RGL3: variants seen among roughly 807,000 people sequenced by gnomAD.
The protein encoded by RGL3 is ral guanine nucleotide dissociation stimulator-like 3.
A neutral mutation model predicts 90.6 loss-of-function variants in RGL3; 85 were observed. The observed-to-expected ratio is 0.94, with a 90% confidence interval of 0.79 to 1.12. RGL3 has a LOEUF of 1.12. RGL3 is among the 50% of genes most tolerant of loss of function. The pLI, the probability that RGL3 is intolerant of heterozygous loss-of-function variation, is 0.00. For synonymous variants in RGL3, 408 were observed against 385.5 expected, an observed-to-expected ratio of 1.06 and a Z score of -0.68; for missense variants, 1,034 against 939.2, an observed-to-expected ratio of 1.10 and a Z score of -1.32.
intron 9 of RGL3, among the ~76,000 whole-genome samples, chr19:11,403,120 C>G (rs1477785881): frequency 6.6e-6 from 1 of 151,658 alleles, no homozygotes; most frequent in African/African-American, 2.4e-5. Flanking sequence ...CTGCAGGCTC[C>G]GCCCCCCGGG....
At chr19:11,408,192 C>G (rs1353965973) in intron 5 of RGL3, among the ~76,000 whole-genome samples, 1 of 152,232 alleles carries the variant, frequency 6.6e-6, no homozygotes, top group Non-Finnish European at 1.5e-5. Flanking sequence ...TCTCAAACAC[C>G]TGGGCTCAAG....
chr19:11,416,350 C>CT (rs1568342996), intron 4 of RGL3: 7 of 618,744 alleles, frequency 1.1e-5, no homozygotes, highest in Non-Finnish European at 2.0e-5. Context: ...CCACACCCAG[C>CT]TACCTTTTTT....
intron 13 of RGL3, among the ~76,000 whole-genome samples, chr19:11,401,043 G>A (rs1197414788): frequency 2.0e-5 from 3 of 151,930 alleles, no homozygotes; most frequent in Non-Finnish European, 4.4e-5. Context: ...ACTCAGAACT[G>A]AGGGTCAAGG....
At chr19:11,396,146 ATATATATATATATT>A in intron 18 of RGL3, among the ~76,000 whole-genome samples, 2 of 62,476 alleles carry the variant, frequency 3.2e-5, no homozygotes, top group Non-Finnish European at 5.9e-5. Flanking sequence ...CTATATATAT[ATATATATATATATT>A]TTTTTTTTTT....
chr19:11,406,403 C>G lies in RGL3; in HGVS notation c.996+16G>C. On this transcript the variant is annotated intron_variant, in intron 7 of 18. Coordinates refer to ENST00000380456, the MANE Select transcript of RGL3 (RefSeq NM_001035223.4). ...AGGGCCCGCCCCCGCATCCCCTCTC[C>G]GCGCCCGCAACACACCTGGGCGATG... 1 of 1,525,140 alleles carries G rather than the reference C, an allele frequency of 6.6e-7. No individual in the cohort carries two copies. The highest frequency in any genetic ancestry group is 2.5e-5 in the East Asian group (1 of 40,646). 94.5% of individuals were successfully genotyped at this position (1,525,140 alleles called of 1,614,324 possible).
At chr19:11,416,512 C>A in intron 4 of RGL3, 102 bp downstream of exon 4, 1 of 1,185,020 alleles carries the variant, frequency 8.4e-7, no homozygotes, top group South Asian at 1.2e-5. Context: ...CTCCCAGTCT[C>A]TTATTACCCA....
chr19:11,402,472 G>A lies in RGL3; in HGVS notation c.1312C>T (p.Leu438=), dbSNP rs540807483. The A allele has an allele frequency of 1.5e-4, 247 of 1,603,676 alleles. 5 individuals carry two copies. The highest frequency in any genetic ancestry group is 1.1e-3 in the South Asian group (103 of 90,236). ...LTDLVMLDTA[L]PDMLEGDLIN... is the part of the protein sequence containing the mutation. The stretch of plus-strand genomic sequence containing the variant: ...GGTCAGACCTCCAACATATCCGGCA[G>A]GGCTGTGTCCAGCATAACCAGGTCC... The change falls in exon 11 of 19, where the codon CTG becomes TTG. Residue 438 remains leucine (L), a synonymous_variant. Transcript: ENST00000380456.
intron 18 of RGL3, 46 bp downstream of exon 18, chr19:11,397,198 C>A: frequency 6.5e-7 from 1 of 1,545,600 alleles, no homozygotes; most frequent in Non-Finnish European, 8.9e-7. Flanking sequence ...AGTCTGCTCG[C>A]CTCCCCGCTG....
intron 3 of RGL3, 30 bp downstream of exon 3, chr19:11,416,806 A>G (rs2144743678): frequency 6.2e-7 from 1 of 1,610,988 alleles, no homozygotes; most frequent in Non-Finnish European, 8.5e-7. Context: ...TCTAGGGTGG[A>G]GAATACGGAG....
rs200398815 is a variant in RGL3 at position 11,397,303 on chromosome 19, T to C, written c.1955A>G (p.Asn652Ser). 9 of 1,612,742 alleles carry C rather than the reference T, an allele frequency of 5.6e-6. No homozygotes were observed. Among genetic ancestry groups the C allele is most frequent in the South Asian group, 2.2e-5 (2 of 90,912 alleles). The change falls in exon 18 of 19, where the codon AAT (asparagine) becomes AGT (serine). Residue 652 changes from asparagine (N) to serine (S), a missense_variant. Asn to Ser is a conservative substitution (Grantham distance 46). Transcript: ENST00000380456. ...GTCACAGGCCCAGGGCTGGGGCACATTGTGCTTCTGCAAGGCTCGCCGGAC... is the reference window on the plus strand; with the variant it reads ...GTCACAGGCCCAGGGCTGGGGCACACTGTGCTTCTGCAAGGCTCGCCGGAC... Reference protein sequence around the residue: ...SVVRRALQKHNVPQPWACDYQ... With the variant: ...SVVRRALQKHSVPQPWACDYQ...
At chr19:11,404,776 C>T (rs1428819514) in intron 9 of RGL3, among the ~76,000 whole-genome samples, 5 of 152,166 alleles carry the variant, frequency 3.3e-5, no homozygotes, top group Admixed American at 6.6e-5. Flanking sequence ...CAATGAGAAT[C>T]TAAATCTTGC....
intron 5 of RGL3, among the ~76,000 whole-genome samples, chr19:11,412,268 G>A (rs1446775208): frequency 8.3e-5 from 10 of 120,360 alleles, no homozygotes; most frequent in South Asian, 5.4e-4. Flanking sequence ...CAACAAGAGC[G>A]AAACTCCGTC....
chr19:11,416,967 C>G lies in RGL3; in HGVS notation c.240G>C (p.Glu80Asp). ...RAARLERLVGELVFGDREQDP... is the reference protein window; with the variant it reads ...RAARLERLVGDLVFGDREQDP... ...CCTGCTCACGGTCTCCAAACACCAA[C>G]TCTCCCACCAGCCGCTCCAGGCGCG... The change falls in exon 3 of 19, where the codon GAG (glutamate) becomes GAC (aspartate). Residue 80 changes from glutamate to aspartate, a missense_variant. Physicochemically the swap from Glu to Asp is conservative, Grantham distance 45. Transcript: ENST00000380456. The G allele has an allele frequency of 6.2e-7, 1 of 1,614,056 alleles. No homozygotes were observed.
rs754761614 is a variant in RGL3, at chr19:11,405,125, T to A, written c.1185+22A>T. On this transcript the variant is annotated intron_variant, in intron 9 of 18. Transcript: ENST00000380456. ...CCCGACTTCCCGGGCCTAAAATCCCTGGAGTCTGCATCCATCTCTACCTGG... is the reference window on the plus strand; with the variant it reads ...CCCGACTTCCCGGGCCTAAAATCCCAGGAGTCTGCATCCATCTCTACCTGG... The A allele has an allele frequency of 6.8e-6, 11 of 1,606,944 alleles. No individual in the cohort carries two copies. The South Asian group carries it at 9.9e-5, about 14-fold the overall frequency.
chr19:11,397,798 C>G, intron 16 of RGL3: 1 of 443,540 alleles, frequency 2.3e-6, no homozygotes, highest in Non-Finnish European at 3.8e-6. Flanking sequence ...CACTTGAGGT[C>G]GGGAGTTCAA....
chr19:11,408,339 T>C (rs1968816700), intron 5 of RGL3, among the ~76,000 whole-genome samples: 1 of 152,040 alleles, frequency 6.6e-6, no homozygotes, highest in South Asian at 2.1e-4. Context: ...CCCAGCACTT[T>C]GGGAGGCCGA....
At position 11,394,482 on chromosome 19, in the gene RGL3, T is replaced by C. The variant is rs1183076706; in HGVS notation, c.2053A>G (p.Met685Val). ...AAGTCTCTGGGGGCGACTGGACTCA[T>C]GGCATAGAAGACGTTGGCATTGTCA... is the stretch of plus-strand genomic sequence containing the variant. ...IPDNANVFYA[M>V]SPVAPRDFML... is the part of the protein sequence containing the mutation. Residue 685 changes from methionine to valine, a missense_variant, in exon 19 of 19, where the codon ATG becomes GTG. Physicochemically the swap from Met to Val is conservative, Grantham distance 21. Coordinates refer to ENST00000380456, the MANE Select transcript of RGL3 (RefSeq NM_001035223.4). The C allele has an allele frequency of 6.2e-7, 1 of 1,614,020 alleles. No individual in the cohort carries two copies. Among genetic ancestry groups the C allele is most frequent in the South Asian group, 1.1e-5 (1 of 91,078 alleles).
At chr19:11,411,584 G>A (rs928213358) in intron 5 of RGL3, 4 of 152,190 alleles carry the variant, frequency 2.6e-5, no homozygotes, top group African/African-American at 9.7e-5. Flanking sequence ...AAAAGGTTCA[G>A]GCACAAACAG....
chr19:11,397,326 G>T lies in RGL3; in HGVS notation c.1932C>A (p.Val644=). ...LTSQDKAPSV[V]RRALQKHNVP... ...CATTGTGCTTCTGCAAGGCTCGCCG[G>T]ACCACGCTGGGGGCTTTGTCCTGAC... Residue 644 remains valine (V), a synonymous_variant, in exon 18 of 19, where the codon GTC becomes GTA. Transcript: ENST00000380456. The T allele has an allele frequency of 1.2e-6, 2 of 1,609,240 alleles. No individual in the cohort carries two copies. The highest frequency in any genetic ancestry group is 1.7e-6 in the Non-Finnish European group (2 of 1,177,660).
Sources: allele counts gnomAD v4.1 joint callset (sites outside exome capture counted in the v4.1 genomes callset), GRCh38; gene constraint gnomAD v4.1.1; transcripts MANE v1.5; gene names NCBI Gene and HGNC (gene_info 2026-07-23, HGNC 2026-07-21).